Variants in HECW1 observed in about 807,000 individuals in gnomAD.
The protein encoded by HECW1 is E3 ubiquitin-protein ligase HECW1.
A neutral mutation model predicts 182.3 loss-of-function variants in HECW1; 61 were observed. The observed-to-expected ratio is 0.33, with a 90% CI of 0.27 to 0.41. HECW1 has a LOEUF of 0.41. Ranked by LOEUF, HECW1 falls within the 10% of genes least tolerant of loss-of-function variation. The pLI is 1.00. For synonymous variants in HECW1, 859 were observed against 832.6 expected (o/e 1.03, Z -0.55); for missense variants, 1,739 against 2,108.9 (o/e 0.82, Z 3.44).
chr7:43,469,437 A>C (rs2077927915), intron 16 of HECW1, among the ~76,000 whole-genome samples: 2 of 152,308 alleles, frequency 1.3e-5, no homozygotes, highest in South Asian at 4.1e-4. Context: ...GTGGAACTGA[A>C]TTCTGTCCAA....
intron 3 of HECW1, among the ~76,000 whole-genome samples, chr7:43,281,662 C>T (rs1803919673): frequency 6.6e-6 from 1 of 151,504 alleles, no homozygotes; most frequent in Non-Finnish European, 1.5e-5. Flanking sequence ...TCTAGCTCTG[C>T]CTTCAGAATT....
intron 2 of HECW1, chr7:43,121,789 C>T (rs533631804): frequency 6.6e-6 from 1 of 152,268 alleles, no homozygotes; most frequent in East Asian, 1.9e-4. Context: ...ATTCTTCACT[C>T]TCCTGTCTTT....
chr7:43,127,479 C>T (rs967417622), intron 2 of HECW1, among the ~76,000 whole-genome samples: 3 of 138,130 alleles, frequency 2.2e-5, no homozygotes, highest in Non-Finnish European at 4.5e-5. Flanking sequence ...GCCGAGATTG[C>T]ACCACTGCAC....
chr7:43,350,190 C>T (rs567348880), intron 5 of HECW1, among the ~76,000 whole-genome samples: 2 of 152,288 alleles, frequency 1.3e-5, no homozygotes, highest in South Asian at 2.1e-4. Flanking sequence ...GAAGATAGAG[C>T]CCCAATCCCT....
At chr7:43,463,911 G>A in intron 14 of HECW1, 112 bp downstream of exon 14, 1 of 1,241,556 alleles carries the variant, frequency 8.1e-7, no homozygotes, top group Non-Finnish European at 1.1e-6. Flanking sequence ...AGGGTGAAGA[G>A]AGTGGAAGTC....
chr7:43,113,433 C>G (rs1316241401), intron 1 of HECW1, among the ~76,000 whole-genome samples: 2 of 152,208 alleles, frequency 1.3e-5, no homozygotes, highest in Non-Finnish European at 2.9e-5. Flanking sequence ...GCGCCCAGAG[C>G]CTCCGCACGG....
At chr7:43,331,592 CAAA>C (rs71562088) in intron 5 of HECW1, among the ~76,000 whole-genome samples, 1 of 123,786 alleles carries the variant, frequency 8.1e-6, no homozygotes. Flanking sequence ...GACTCTGTCT[CAAA>C]AAAAAAAAAA....
At chr7:43,332,452 T>G (rs11973439) in intron 5 of HECW1, among the ~76,000 whole-genome samples, 101,986 of 152,094 alleles carry the variant, frequency 0.67, 35,494 homozygotes, top group African/African-American at 0.86. Context: ...AAAGGCCTGT[T>G]GCAGGTGTGT....
intron 2 of HECW1, among the ~76,000 whole-genome samples, chr7:43,203,620 G>C (rs529521213): frequency 6.6e-6 from 1 of 152,034 alleles, no homozygotes; most frequent in African/African-American, 2.4e-5. Context: ...ACCATACCCG[G>C]CTAATTTTTG....
At position 43,200,309 on chromosome 7, in the gene HECW1, A is replaced by G. The variant is rs1046826245; in HGVS notation, c.-31-43566A>G. On this transcript the variant is annotated intron_variant, in intron 2 of 29. Transcript: ENST00000395891. ...AGATTGAAATATTGTCCGTTAGTAC[A>G]CCTTTGTAATATGATGCAGTATTTT... Among the ~76,000 whole-genome samples the G allele has an allele frequency of 2.0e-5, 3 of 152,224 alleles. No individual in the cohort carries two copies. In the South Asian group the frequency reaches 6.2e-4, roughly 32 times the overall value.
At chr7:43,402,317 G>A (rs574572434) in intron 7 of HECW1, among the ~76,000 whole-genome samples, 4 of 152,294 alleles carry the variant, frequency 2.6e-5, no homozygotes, top group Admixed American at 6.5e-5. Flanking sequence ...ATGCTACCGC[G>A]GGGCCGGAGC....
chr7:43,449,527 T>C (rs1257199193), intron 11 of HECW1, among the ~76,000 whole-genome samples: 4 of 152,270 alleles, frequency 2.6e-5, no homozygotes, highest in African/African-American at 9.6e-5. Context: ...TTTTTATTTT[T>C]GATCAGTTCC....
At chr7:43,276,976 G>T (rs1327963386) in intron 3 of HECW1, among the ~76,000 whole-genome samples, 1 of 152,340 alleles carries the variant, frequency 6.6e-6, no homozygotes, top group African/African-American at 2.4e-5. Context: ...ACTCAGAAAT[G>T]TGTTGGATCT....
At chr7:43,155,243 C>G (rs1789750576) in intron 2 of HECW1, among the ~76,000 whole-genome samples, 1 of 152,098 alleles carries the variant, frequency 6.6e-6, no homozygotes, top group Non-Finnish European at 1.5e-5. Context: ...TATGAAGACA[C>G]AATATGCTGC....
chr7:43,524,922 A>G (rs887457295), intron 24 of HECW1, among the ~76,000 whole-genome samples: 7 of 152,246 alleles, frequency 4.6e-5, no homozygotes, highest in African/African-American at 1.7e-4. Context: ...TTTCCCTGGT[A>G]TATCAGGATT....
intron 8 of HECW1, among the ~76,000 whole-genome samples, chr7:43,412,116 A>G (rs527423320): frequency 1.7e-4 from 26 of 152,220 alleles, no homozygotes; most frequent in Admixed American, 1.4e-3. Context: ...GCTTTGCGTT[A>G]CTTCCTTTGT....
In HECW1 at chr7:43,178,041, G is replaced by A. The variant is rs141387211; in HGVS notation, c.-32+63650G>A. Among the ~76,000 whole-genome samples, 73 of 152,232 alleles carry A rather than the reference G, an allele frequency of 4.8e-4. 1 individual carries two copies. The East Asian group carries it at 0.013, about 28-fold the overall frequency. On this transcript the variant is annotated intron_variant, in intron 2 of 29. Coordinates refer to ENST00000395891, the MANE Select transcript of HECW1 (RefSeq NM_015052.5). Reference sequence around the variant, plus strand: ...GGTTTGGTTTTTGAGACAGAGTCTCGCTCTGTCACCCAGGCTGGAGTGCAG... The same window carrying A: ...GGTTTGGTTTTTGAGACAGAGTCTCACTCTGTCACCCAGGCTGGAGTGCAG...
intron 2 of HECW1, among the ~76,000 whole-genome samples, chr7:43,231,560 A>G (rs1442340859): frequency 6.6e-6 from 1 of 152,154 alleles, no homozygotes; most frequent in Non-Finnish European, 1.5e-5. Context: ...TAGACCTTGG[A>G]TGGTGCCAGA....
chr7:43,318,564 A>G (rs745498244), intron 4 of HECW1, among the ~76,000 whole-genome samples: 10 of 152,240 alleles, frequency 6.6e-5, no homozygotes, highest in Non-Finnish European at 2.9e-5. Context: ...CTTACCAGTT[A>G]TCTCATTTAG....
Sources: gnomAD v4.1 joint callset for allele counts (sites outside exome capture counted in the v4.1 genomes callset) on GRCh38, gnomAD v4.1.1 for gene constraint, MANE v1.5 for transcripts, NCBI Gene and HGNC (gene_info 2026-07-23, HGNC 2026-07-21) for gene names.